PCDHA11: variants seen among roughly 807,000 people sequenced by gnomAD.
The protein encoded by PCDHA11 is protocadherin alpha-11.
Under a neutral mutation model 70.3 loss-of-function variants are expected in PCDHA11, and 61 were observed. The ratio of observed to expected loss-of-function variants is 0.87; its 90% CI spans 0.71 to 1.07. PCDHA11 has a LOEUF of 1.07. Among genes scored for constraint, PCDHA11 ranks in the 50% least tolerant of loss-of-function variants. PCDHA11 has a pLI of 0.00. For missense variants in PCDHA11, 1,324 were observed against 1,237.5 expected (o/e 1.07, Z -1.05); for synonymous variants, 633 against 555.1 (o/e 1.14, Z -1.97).
chr5:140,882,587 G>C (rs559310344), intron 1 of PCDHA11: 9 of 1,614,256 alleles, frequency 5.6e-6, no homozygotes, highest in Non-Finnish European at 6.8e-6. Flanking sequence ...CATCCACCTG[G>C]AGGTGATCGT....
intron 1 of PCDHA11, among the ~76,000 whole-genome samples, chr5:140,951,950 G>A (rs1408300368): frequency 6.6e-6 from 1 of 152,120 alleles, no homozygotes; most frequent in Non-Finnish European, 1.5e-5. Flanking sequence ...GCGGGTACAG[G>A]CATTGGGTAA....
At position 141,011,371 on chromosome 5, in the gene PCDHA11, G is replaced by A. The variant is rs782444449; in HGVS notation, c.*1434G>A. 6.5e-6 allele frequency: 1 copy of A among 153,724 alleles called. No homozygotes were observed. The highest frequency in any genetic ancestry group is 1.5e-5 in the Non-Finnish European group (1 of 68,022). 9.5% of individuals were successfully genotyped at this position (153,724 alleles called of 1,614,324 possible). On this transcript the variant is annotated 3_prime_UTR_variant, in exon 4 of 4. Transcript: ENST00000398640. ...CTCCCATATGTATGCTGTATGCTAT[G>A]CTAAGACTCCTGAAATATACTTACT...
intron 1 of PCDHA11, chr5:140,968,548 G>T: frequency 6.2e-7 from 1 of 1,614,174 alleles, no homozygotes; most frequent in Non-Finnish European, 8.5e-7. Context: ...TCGAGATGGT[G>T]CCTCGAACTG....
At chr5:140,877,443 C>A (rs376417721) in intron 1 of PCDHA11, 2 of 1,613,726 alleles carry the variant, frequency 1.2e-6, no homozygotes, top group African/African-American at 2.7e-5. Flanking sequence ...ACGGTGAGCC[C>A]GCGCTGACGT....
In PCDHA11 at chr5:140,870,164, T is replaced by A; in HGVS notation, c.1061T>A (p.Leu354Ter). ...TCTCCTGAAGTCGCCGTGACTTCCT[T>A]GTCCCTCCCAGTACGAGAGGACGCT... Reference protein sequence around the residue: ...DNSPEVAVTSLSLPVREDAQP... With the variant: ...DNSPEVAVTS The change falls in exon 1 of 4, where the codon TTG becomes TAG. Residue 354 changes from leucine (L) to a stop codon, truncating the protein, a stop_gained. Transcript: ENST00000398640. LOFTEE classifies it high-confidence loss of function. The A allele has an allele frequency of 6.2e-7, 1 of 1,614,174 alleles. No individual in the cohort carries two copies. The highest frequency in any genetic ancestry group is 1.3e-5 in the African/African-American group (1 of 75,066).
chr5:140,883,332 T>A, intron 1 of PCDHA11: 1 of 1,614,174 alleles, frequency 6.2e-7, no homozygotes, highest in East Asian at 2.2e-5. Context: ...ATCACTTCTT[T>A]GTCACTCCCC....
intron 3 of PCDHA11, 115 bp downstream of exon 3, chr5:140,982,678 C>G: frequency 6.9e-7 from 1 of 1,438,900 alleles, no homozygotes; most frequent in East Asian, 2.5e-5. Context: ...TTTGTTATTC[C>G]CTTTTTTCCA....
chr5:140,915,876 G>A (rs1373834228), intron 1 of PCDHA11, among the ~76,000 whole-genome samples: 1 of 152,136 alleles, frequency 6.6e-6, no homozygotes, highest in East Asian at 1.9e-4. Context: ...CTTCCCTTTA[G>A]GGTAGCAAGT....
intron 3 of PCDHA11, 65 bp downstream of exon 3, chr5:140,982,628 G>T: frequency 6.3e-7 from 1 of 1,578,118 alleles, no homozygotes; most frequent in Non-Finnish European, 8.6e-7. Flanking sequence ...ACCTACTTTT[G>T]TAAGATCAGG....
chr5:140,884,244 T>C, intron 1 of PCDHA11: 1 of 1,613,386 alleles, frequency 6.2e-7, no homozygotes, highest in Non-Finnish European at 8.5e-7. Flanking sequence ...GAGCCCGCGC[T>C]GACGGCCACG....
intron 1 of PCDHA11, among the ~76,000 whole-genome samples, chr5:140,978,306 A>C (rs2096795659): frequency 6.6e-6 from 1 of 152,230 alleles, no homozygotes; most frequent in Non-Finnish European, 1.5e-5. Flanking sequence ...GCACTCAGGA[A>C]GGAGCAGGAA....
At chr5:140,927,896 A>C in intron 1 of PCDHA11, 1 of 1,614,200 alleles carries the variant, frequency 6.2e-7, no homozygotes, top group East Asian at 2.2e-5. Flanking sequence ...GACGTGAACG[A>C]TCATGCCCCC....
intron 1 of PCDHA11, among the ~76,000 whole-genome samples, chr5:140,958,134 T>C (rs1235856780): frequency 6.6e-6 from 1 of 152,150 alleles, no homozygotes; most frequent in African/African-American, 2.4e-5. Flanking sequence ...TGTATCAGTG[T>C]GTATATTTAT....
intron 1 of PCDHA11, among the ~76,000 whole-genome samples, chr5:140,952,753 A>T (rs782624078): frequency 4.6e-5 from 7 of 152,194 alleles, no homozygotes; most frequent in Non-Finnish European, 1.0e-4. Context: ...CTATAAAAAC[A>T]CCTGAGACTG....
At position 140,870,987 on chromosome 5, in the gene PCDHA11, C is replaced by T. The variant is rs782771467; in HGVS notation, c.1884C>T (p.Gly628=). The T allele has an allele frequency of 3.2e-5, 51 of 1,613,334 alleles. No homozygotes were observed. The highest frequency in any genetic ancestry group is 4.1e-5 in the Non-Finnish European group (48 of 1,179,886). The part of the protein sequence containing the change: ...RIPFRVGLYT[G]EISTTRALDE... Reference sequence around the variant, plus strand: ...CGTTCCGCGTGGGGCTGTACACGGGCGAGATAAGCACAACGCGTGCCCTGG... The same window carrying T: ...CGTTCCGCGTGGGGCTGTACACGGGTGAGATAAGCACAACGCGTGCCCTGG... Residue 628 remains glycine (G), a synonymous_variant, in exon 1 of 4, where the codon GGC becomes GGT. Transcript: ENST00000398640.
chr5:140,999,372 G>A (rs1029178969), intron 3 of PCDHA11, among the ~76,000 whole-genome samples: 3 of 152,188 alleles, frequency 2.0e-5, no homozygotes, highest in Non-Finnish European at 1.5e-5. Context: ...AATCCCATTA[G>A]ATGGTTATTG....
intron 1 of PCDHA11, among the ~76,000 whole-genome samples, chr5:140,892,029 T>C (rs954107632): frequency 2.0e-4 from 30 of 152,336 alleles, no homozygotes; most frequent in Middle Eastern, 6.8e-3. Context: ...TGGTCTAAGA[T>C]ACTTTTATTT....
At chr5:140,948,325 C>T (rs1554218520) in intron 1 of PCDHA11, among the ~76,000 whole-genome samples, 1 of 151,476 alleles carries the variant, frequency 6.6e-6, no homozygotes. Flanking sequence ...GTAATGTTTT[C>T]ATTAGGTTTT....
Position 140,869,773 on chromosome 5 carries a change from G to A in PCDHA11, c.670G>A (p.Gly224Ser), listed in dbSNP as rs1554163437. ...ATDGGKPELT[G>S]TVRLLVQVLD... is the part of the protein sequence containing the mutation. ...AGACGGGGGAAAACCAGAGCTTACT[G>A]GCACCGTTCGGCTGTTAGTCCAAGT... The change falls in exon 1 of 4, where the codon GGC becomes AGC. Residue 224 changes from glycine (G) to serine (S), a missense_variant. Transcript: ENST00000398640. 6.2e-7 allele frequency: 1 copy of A among 1,612,948 alleles called. No homozygotes were observed. Among genetic ancestry groups the A allele is most frequent in the Non-Finnish European group, 8.5e-7 (1 of 1,179,572 alleles).
Sources: gnomAD v4.1 joint callset for allele counts (sites outside exome capture counted in the v4.1 genomes callset) on GRCh38, gnomAD v4.1.1 for gene constraint, MANE v1.5 for transcripts, NCBI Gene and HGNC (gene_info 2026-07-23, HGNC 2026-07-21) for gene names.